MBD1: variants seen among roughly 807,000 people sequenced by gnomAD.
MBD1 encodes methyl-CpG-binding domain protein 1.
Under a neutral mutation model 82.6 loss-of-function variants are expected in MBD1, and 25 were observed. That is an observed-to-expected ratio of 0.30 (90% CI 0.22 to 0.42). MBD1 has a LOEUF of 0.42. Among genes scored for constraint, MBD1 ranks in the 10% least tolerant of loss-of-function variants. The pLI, the probability that MBD1 is intolerant of heterozygous loss-of-function variation, is 1.00. For synonymous variants in MBD1, 301 were observed against 303.7 expected (o/e 0.99, Z 0.09); for missense variants, 627 against 819.6 (o/e 0.76, Z 2.87).
At chr18:50,277,248 G>T in intron 2 of MBD1, 44 bp from the exon 3 acceptor site, 2 of 1,458,564 alleles carry the variant, frequency 1.4e-6, no homozygotes, top group Non-Finnish European at 1.9e-6. Flanking sequence ...TGGAGCCAAT[G>T]CCATTTCACT....
chr18:50,273,934 C>A, intron 11 of MBD1, 71 bp from the exon 12 acceptor site: 8 of 1,567,626 alleles, frequency 5.1e-6, no homozygotes, highest in Non-Finnish European at 7.0e-6. Context: ...CCCGGCTCCA[C>A]ATGCCTGCTA....
intron 16 of MBD1, 108 bp downstream of exon 16, chr18:50,271,361 G>C (rs1448916166): frequency 1.3e-6 from 2 of 1,595,014 alleles, no homozygotes; most frequent in South Asian, 1.1e-5. Flanking sequence ...TTTGGTAGTA[G>C]GTTTTTCCTC....
Position 50,275,117 on chromosome 18 carries a change from C to T in MBD1, c.909+12G>A. 6.2e-7 allele frequency: 1 copy of T among 1,613,750 alleles called. No individual in the cohort carries two copies. Among genetic ancestry groups the T allele is most frequent in the Non-Finnish European group, 8.5e-7 (1 of 1,179,654 alleles). On this transcript the variant is annotated intron_variant, in intron 9 of 16. Transcript: ENST00000269468. ...CAGGGTTGTGCCTTCCCTCCACCCA[C>T]TGGGGCCTCACCGGCTCTGTGGGCT...
chr18:50,269,022 C>T lies in MBD1; in HGVS notation c.*829G>A, dbSNP rs2034409648. ...AAATTCCATGATAAAGTTGGAAATC[C>T]ATTCACCATTTGTAATACATATTGA... On this transcript the variant is annotated 3_prime_UTR_variant, in exon 17 of 17. Transcript: ENST00000269468. 1.0e-6 allele frequency: 1 copy of T among 985,592 alleles called. No homozygotes were observed. The highest frequency in any genetic ancestry group is 1.7e-5 in the African/African-American group (1 of 57,192). The allele number at this position is 985,592 out of a possible 1,614,324, so 61.1% of individuals were successfully genotyped here.
chr18:50,267,382 C>A, downstream of MBD1: 1 of 512,056 alleles, frequency 2.0e-6, no homozygotes, highest in South Asian at 3.2e-5. Context: ...ATAAAATCTT[C>A]CTATTTGCCA....
intron 1 of MBD1, 57 bp downstream of exon 1, chr18:50,281,306 A>G (rs2149118104): frequency 3.1e-6 from 4 of 1,300,930 alleles, no homozygotes; most frequent in Admixed American, 3.9e-5. Flanking sequence ...CTGAGCCACA[A>G]TTCCTTCCCA....
At chr18:50,277,888 C>CT (rs1165101899) in intron 2 of MBD1, among the ~76,000 whole-genome samples, 5 of 152,168 alleles carry the variant, frequency 3.3e-5, no homozygotes, top group African/African-American at 1.2e-4. Flanking sequence ...GCTCACGGTT[C>CT]TTTTCCTATA....
At chr18:50,280,115 C>T in intron 1 of MBD1, 98 bp from the exon 2 acceptor site, 2 of 1,264,918 alleles carry the variant, frequency 1.6e-6, no homozygotes, top group South Asian at 1.4e-5. Context: ...TTAGTGCTTG[C>T]CCAAGCCCTA....
At chr18:50,274,099 CACCT>C (rs1218883515) in intron 11 of MBD1, 83 bp downstream of exon 11, 1 of 1,561,680 alleles carries the variant, frequency 6.4e-7, no homozygotes, top group South Asian at 1.1e-5. Context: ...CCCACCCACC[CACCT>C]ACCAAGCCTG....
intron 2 of MBD1, chr18:50,279,628 A>C (rs915272794): frequency 4.3e-6 from 2 of 464,094 alleles, no homozygotes; most frequent in Non-Finnish European, 3.9e-6. Flanking sequence ...CCTCAGCTAG[A>C]AATACATGCA....
In MBD1 at chr18:50,269,189, G is replaced by A; in HGVS notation, c.*662C>T. 9.6e-7 allele frequency: 1 copy of A among 1,037,126 alleles called. No individual in the cohort carries two copies. Among genetic ancestry groups the A allele is most frequent in the African/African-American group, 1.7e-5 (1 of 58,406 alleles). The allele number at this position is 1,037,126 out of a possible 1,614,324, so 64.2% of individuals were successfully genotyped here. On this transcript the variant is annotated 3_prime_UTR_variant, in exon 17 of 17. Coordinates refer to ENST00000269468, the MANE Select transcript of MBD1 (RefSeq NM_015846.4). ...AGGACCAGCAAGTTTTTTCTGGGTG[G>A]GCTTCATAGAATCTCTGTACTTGCT...
chr18:50,266,929 C>CA (rs1181918010), downstream of MBD1: 1 of 162,218 alleles, frequency 6.2e-6, no homozygotes, highest in African/African-American at 2.4e-5. Context: ...TTCACACACA[C>CA]AGCCTTTTAA....
Position 50,276,926 on chromosome 18 carries a change from C to A in MBD1, c.298G>T (p.Val100Phe), listed in dbSNP as rs1039487143. The change falls in exon 4 of 17, where the codon GTT (valine) becomes TTT (phenylalanine). Residue 100 changes from valine (V) to phenylalanine (F), a missense_variant. Around this residue, in one of 6 missense-constraint regions of MBD1, gnomAD observed 75 missense variants for 74.7 expected, o/e 1.00. Transcript: ENST00000269468. ...SRPAKTRKRQ[V>F]GPQSGEVRKE... ...CTGACCTCACCACTCTGGGGTCCAA[C>A]CTGACGTTTCCGAGTCTTGGCTGGC... is the stretch of plus-strand genomic sequence containing the variant. 6.2e-7 allele frequency: 1 copy of A among 1,614,252 alleles called. No homozygotes were observed. Among genetic ancestry groups the A allele is most frequent in the Admixed American group, 1.7e-5 (1 of 60,026 alleles).
At chr18:50,281,061 A>C in intron 1 of MBD1, 1 of 1,093,744 alleles carries the variant, frequency 9.1e-7, no homozygotes. Context: ...AGAGTTCTGA[A>C]CCCCCATTTC....
intron 7 of MBD1, 36 bp from the exon 8 acceptor site, chr18:50,275,764 A>G: frequency 1.2e-6 from 2 of 1,614,126 alleles, no homozygotes; most frequent in South Asian, 1.1e-5. Flanking sequence ...AGAGGCATGA[A>G]GCATGGGGCC....
intron 2 of MBD1, among the ~76,000 whole-genome samples, chr18:50,279,047 A>T (rs1568265016): frequency 6.6e-6 from 1 of 152,034 alleles, no homozygotes; most frequent in Non-Finnish European, 1.5e-5. Context: ...TCTTCGGAAG[A>T]CTCCTGATCA....
At chr18:50,275,436 AG>A (rs2147501754) in intron 8 of MBD1, 163 bp downstream of exon 8, 1 of 1,601,462 alleles carries the variant, frequency 6.2e-7, no homozygotes, top group South Asian at 1.1e-5. Context: ...GCAGGCGGTG[AG>A]CAAGGTGCTG....
rs2039550367 is a variant in MBD1, at chr18:50,279,886, T to C, written c.107A>G (p.Gln36Arg). The change falls in exon 2 of 17, where the codon CAG (glutamine) becomes CGG (arginine). Residue 36 changes from glutamine (Q) to arginine (R), a missense_variant. By Grantham distance (43) the Gln-to-Arg change is conservative. Transcript: ENST00000269468. The part of the protein sequence containing the change: ...ATCGRSDTYY[Q>R]SPTGDRIRSK... ...CTGCCCACTACCCACCCAGTACCTCTGGTAATAGGTGTCTGAGCGTCCACA... is the reference window on the plus strand; with the variant it reads ...CTGCCCACTACCCACCCAGTACCTCCGGTAATAGGTGTCTGAGCGTCCACA... 6.2e-7 allele frequency: 1 copy of C among 1,613,986 alleles called. No individual in the cohort carries two copies. The highest frequency in any genetic ancestry group is 8.5e-7 in the Non-Finnish European group (1 of 1,179,970).
chr18:50,276,635 A>G (rs761737019), intron 5 of MBD1, 27 bp downstream of exon 5: 1 of 1,612,752 alleles, frequency 6.2e-7, no homozygotes, highest in South Asian at 1.1e-5. Context: ...CTATCTCCCG[A>G]TGCCCCATCC....
Sources: gnomAD v4.1 joint callset for allele counts (sites outside exome capture counted in the v4.1 genomes callset) on GRCh38, gnomAD v4.1.1 for gene constraint, gnomAD v4.1.1 regional missense constraint, MANE v1.5 for transcripts, NCBI Gene and HGNC (gene_info 2026-07-23, HGNC 2026-07-21) for gene names.